CFLAR: variants seen among roughly 807,000 people sequenced by gnomAD.
CFLAR encodes CASP8 and FADD like apoptosis regulator.
CFLAR carries 14 observed loss-of-function variants against 51.1 expected under a neutral mutation model. That is an observed-to-expected ratio of 0.27 (90% confidence interval 0.18 to 0.43). The LOEUF (loss-of-function observed/expected upper bound fraction) is 0.43, where lower values mean the gene tolerates loss of function less well. CFLAR is among the 20% of genes least tolerant of loss of function. The pLI, the probability that CFLAR is intolerant of heterozygous loss-of-function variation, is 1.00. For missense variants in CFLAR, 390 were observed against 566.5 expected (o/e 0.69, Z 3.16); for synonymous variants, 210 against 211.6 (o/e 0.99, Z 0.06).
Position 201,167,757 on chromosome 2 carries a change from G to A in CFLAR, c.*3784G>A, listed in dbSNP as rs1306178886. ...GCCATCTTGAACCATGAAGATACGG[G>A]CCACACGTAGGGGTAGCTGGGTAGT... On this transcript the variant is annotated 3_prime_UTR_variant, in exon 10 of 10. Transcript: ENST00000309955. 1 of 152,232 alleles carries A rather than the reference G, an allele frequency of 6.6e-6. No homozygotes were observed. The highest frequency in any genetic ancestry group is 1.5e-5 in the Non-Finnish European group (1 of 68,076). 9.4% of individuals were successfully genotyped at this position (152,232 alleles called of 1,614,324 possible).
Position 201,130,028 on chromosome 2 carries a change from T to C in CFLAR, c.163T>C (p.Leu55=). 2.5e-6 allele frequency: 4 copies of C among 1,614,190 alleles called. No individual in the cohort carries two copies. The highest frequency in any genetic ancestry group is 3.4e-6 in the Non-Finnish European group (4 of 1,180,038). ...AAGAGGTAAGCTGTCTGTCGGGGAC[T>C]TGGCTGAACTGCTCTACAGAGTGAG... is the stretch of plus-strand genomic sequence containing the variant. ...RERGKLSVGD[L]AELLYRVRRF... The change falls in exon 2 of 10, where the codon TTG becomes CTG. Residue 55 remains leucine, a synonymous_variant. Coordinates refer to ENST00000309955, the MANE Select transcript of CFLAR (RefSeq NM_003879.7).
intron 9 of CFLAR, chr2:201,163,150 A>C: frequency 1.2e-6 from 1 of 848,836 alleles, no homozygotes; most frequent in Non-Finnish European, 1.9e-6. Flanking sequence ...ATGCTCTTAT[A>C]TTTCCTCAAG....
chr2:201,123,938 T>C (rs540503915), intron 1 of CFLAR, among the ~76,000 whole-genome samples: 1 of 152,348 alleles, frequency 6.6e-6, no homozygotes, highest in East Asian at 1.9e-4. Context: ...AAGTTCAGGT[T>C]TGCATGCTGC....
chr2:201,149,476 T>C (rs1575823377), intron 7 of CFLAR: 1 of 306,588 alleles, frequency 3.3e-6, no homozygotes, highest in Non-Finnish European at 6.1e-6. Context: ...TTTTCTCTCT[T>C]TTTCAAATTA....
chr2:201,139,316 G>A (rs1208784965), intron 4 of CFLAR: 2 of 250,978 alleles, frequency 8.0e-6, no homozygotes, highest in East Asian at 1.1e-4. Context: ...AGGGACCTCT[G>A]CCTAGGAAAG....
chr2:201,142,626 T>A (rs1939187514), intron 5 of CFLAR: 2 of 152,254 alleles, frequency 1.3e-5, no homozygotes, highest in African/African-American at 4.8e-5. Context: ...TGAGACAGAG[T>A]TTCGTTCTTG....
chr2:201,136,859 C>T (rs2050200740), intron 4 of CFLAR: 1 of 231,588 alleles, frequency 4.3e-6, no homozygotes, highest in Non-Finnish European at 8.7e-6. Flanking sequence ...CAACAGTGAT[C>T]CCAAAGTGTG....
At chr2:201,137,704 T>A (rs1340328875) in intron 4 of CFLAR, 2 of 768,160 alleles carry the variant, frequency 2.6e-6, no homozygotes, top group African/African-American at 3.4e-5. Flanking sequence ...AACTTCTGAA[T>A]GGACCCTTTG....
chr2:201,164,542 C>T lies in CFLAR; in HGVS notation c.*569C>T, dbSNP rs903438509. 6.6e-6 allele frequency: 1 copy of T among 152,222 alleles called. No individual in the cohort carries two copies. Among genetic ancestry groups the T allele is most frequent in the Non-Finnish European group, 1.5e-5 (1 of 68,064 alleles). The allele number at this position is 152,222 out of a possible 1,614,324, so 9.4% of individuals were successfully genotyped here. A position where few individuals can be genotyped will look rare whatever the true frequency, so the allele number is the denominator to read the frequency against. ...GAGAAAGATGGAGGCCAGAAGACTA[C>T]ACCAGTCTAGTCTTTCCATGTTTTG... is the stretch of plus-strand genomic sequence containing the variant. On this transcript the variant is annotated 3_prime_UTR_variant, in exon 10 of 10. Transcript: ENST00000309955.
intron 2 of CFLAR, 95 bp from the exon 3 acceptor site, chr2:201,132,934 C>T: frequency 7.3e-7 from 1 of 1,372,260 alleles, no homozygotes; most frequent in South Asian, 1.3e-5. Context: ...AAGAACTAGT[C>T]TTTTAATCCA....
rs539536359 is a variant in CFLAR at position 201,174,879 on chromosome 2, T to G, written c.*10906T>G. On this transcript the variant is annotated 3_prime_UTR_variant, in exon 10 of 10. Coordinates refer to ENST00000309955, the MANE Select transcript of CFLAR (RefSeq NM_003879.7). ...ACCCTGCTGATAAGACAGGATGTGGTAGAAAGGCCAACCCAAACCAGCCAA... is the reference window on the plus strand; with the variant it reads ...ACCCTGCTGATAAGACAGGATGTGGGAGAAAGGCCAACCCAAACCAGCCAA... The G allele has an allele frequency of 6.6e-6, 1 of 152,274 alleles. No homozygotes were observed. The highest frequency in any genetic ancestry group is 1.9e-4 in the East Asian group (1 of 5,188). 9.4% of individuals were successfully genotyped at this position (152,274 alleles called of 1,614,324 possible).
chr2:201,123,962 C>T (rs1041534485), intron 1 of CFLAR, among the ~76,000 whole-genome samples: 20 of 152,216 alleles, frequency 1.3e-4, no homozygotes, highest in African/African-American at 4.8e-4. Context: ...CTGCAGCTGG[C>T]AAGACAGGTT....
chr2:201,146,802 CTT>C (rs1475630479), intron 6 of CFLAR: 1 of 152,192 alleles, frequency 6.6e-6, no homozygotes, highest in African/African-American at 2.4e-5. Flanking sequence ...TAGAAGCCCT[CTT>C]TGTGTGGCAG....
At chr2:201,132,430 A>AAAAAT (rs34318341) in intron 2 of CFLAR, among the ~76,000 whole-genome samples, 26 of 137,964 alleles carry the variant, frequency 1.9e-4, no homozygotes, top group African/African-American at 7.1e-4. Flanking sequence ...GGGGGGGAAA[A>AAAAAT]ATATATATAT....
At chr2:201,128,142 T>TA (rs1282506230) in intron 1 of CFLAR, among the ~76,000 whole-genome samples, 1 of 152,200 alleles carries the variant, frequency 6.6e-6, no homozygotes, top group Non-Finnish European at 1.5e-5. Flanking sequence ...TAATTCCTTC[T>TA]ACTGCATATA....
rs2050498610 is a variant in CFLAR at position 201,138,673 on chromosome 2, C to A, written c.524-1684C>A. ...TGACGCATCTTGGCCTCCAACACAT[C>A]ACCCACAGTGTGCAAGGGGCTCAGC... On this transcript the variant is annotated intron_variant, in intron 4 of 9. Transcript: ENST00000309955. The surrounding 1 kb of genome is among the most constrained non-coding windows in gnomAD (Gnocchi z 4.0). 1.0e-6 allele frequency: 1 copy of A among 993,980 alleles called. No homozygotes were observed. The allele number at this position is 993,980 out of a possible 1,614,324, so 61.6% of individuals were successfully genotyped here.
At chr2:201,132,782 G>T (rs978604154) in intron 2 of CFLAR, 6 of 368,548 alleles carry the variant, frequency 1.6e-5, no homozygotes, top group African/African-American at 1.2e-4. Flanking sequence ...GTTGTTTTCA[G>T]AAACTGTTAG....
chr2:201,166,190 G>A lies in CFLAR; in HGVS notation c.*2217G>A, dbSNP rs1023383289. The A allele has an allele frequency of 1.6e-4, 26 of 159,376 alleles. No individual in the cohort carries two copies. The highest frequency in any genetic ancestry group is 4.7e-4 in the South Asian group (3 of 6,372). The allele number at this position is 159,376 out of a possible 1,614,324, so 9.9% of individuals were successfully genotyped here. ...CGCGCCCCCCACCTCCCTCCCGGAC[G>A]GGATAGCTGGCCGGGCGGGGGCTGA... is the stretch of plus-strand genomic sequence containing the variant. On this transcript the variant is annotated 3_prime_UTR_variant, in exon 10 of 10. Coordinates refer to ENST00000309955, the MANE Select transcript of CFLAR (RefSeq NM_003879.7).
chr2:201,173,682 A>ATTTT lies in CFLAR; in HGVS notation c.*9711_*9714dup, dbSNP rs912454096. On this transcript the variant is annotated 3_prime_UTR_variant, in exon 10 of 10. Transcript: ENST00000309955. ...TTTTAAAACTGCGTTATTTTATTTTATTTTTCTGAGATGGAATCTCACTCT... is the reference window on the plus strand; with the variant it reads ...TTTTAAAACTGCGTTATTTTATTTTATTTTTTTTTCTGAGATGGAATCTCACTCT... 5 of 148,248 alleles carry ATTTT rather than the reference A, an allele frequency of 3.4e-5. No homozygotes were observed. Among genetic ancestry groups the ATTTT allele is most frequent in the African/African-American group, 1.2e-4 (5 of 40,256 alleles). 9.2% of individuals were successfully genotyped at this position (148,248 alleles called of 1,614,324 possible). A position where few individuals can be genotyped will look rare whatever the true frequency, so the allele number is the denominator to read the frequency against.
Sources: allele counts gnomAD v4.1 joint callset (sites outside exome capture counted in the v4.1 genomes callset), GRCh38; gene constraint gnomAD v4.1.1; non-coding constraint Gnocchi (gnomAD v3.1); transcripts MANE v1.5; gene names NCBI Gene and HGNC (gene_info 2026-07-23, HGNC 2026-07-21).